The following ALKBH3 variants were observed in gnomAD, a reference collection of about 807,000 sequenced individuals.
ALKBH3 encodes alpha-ketoglutarate-dependent dioxygenase alkB homolog 3.
A neutral mutation model predicts 43.9 loss-of-function variants in ALKBH3; 51 were observed. The ratio of observed to expected loss-of-function variants is 1.16; its 90% confidence interval spans 0.93 to 1.47. ALKBH3 has a LOEUF of 1.47. ALKBH3 is among the 40% of genes most tolerant of loss of function. The pLI is 0.00. For missense variants in ALKBH3, 361 were observed against 351.9 expected (o/e 1.03, Z -0.21); for synonymous variants, 102 against 115.2 (o/e 0.89, Z 0.73).
At chr11:43,898,747 G>T (rs1233371359) in intron 7 of ALKBH3, 6 of 729,520 alleles carry the variant, frequency 8.2e-6, no homozygotes, top group Non-Finnish European at 1.5e-5. Flanking sequence ...GTCACCCAGG[G>T]TATTTCCTGT....
At chr11:43,886,151 G>A (rs1224414350) in intron 4 of ALKBH3, among the ~76,000 whole-genome samples, 1 of 152,136 alleles carries the variant, frequency 6.6e-6, no homozygotes, top group Non-Finnish European at 1.5e-5. Flanking sequence ...GTTTTGGGGT[G>A]CCATTGAAGG....
chr11:43,901,922 A>G (rs923672930), intron 8 of ALKBH3, among the ~76,000 whole-genome samples, 197 bp downstream of exon 8: 4 of 152,212 alleles, frequency 2.6e-5, no homozygotes, highest in Admixed American at 6.5e-5. Context: ...AAGTCCAACA[A>G]GAATTGGCTG....
chr11:43,919,480 G>T, intron 9 of ALKBH3: 1 of 302,008 alleles, frequency 3.3e-6, no homozygotes, highest in Admixed American at 4.8e-5. Context: ...ATAGCTTCAG[G>T]GTAGCTAGTG....
intron 8 of ALKBH3, among the ~76,000 whole-genome samples, chr11:43,905,867 C>A (rs1019509797): frequency 9.2e-5 from 14 of 152,074 alleles, no homozygotes; most frequent in African/African-American, 2.7e-4. Flanking sequence ...CTGAAAAAAA[C>A]AAGCTGGAAA....
chr11:43,905,033 CT>C (rs376996701), intron 8 of ALKBH3, among the ~76,000 whole-genome samples: 2 of 152,124 alleles, frequency 1.3e-5, no homozygotes, highest in Admixed American at 6.5e-5. Flanking sequence ...GCCTATTTGA[CT>C]TGAGTCACAG....
chr11:43,907,660 C>T (rs1207931968), intron 8 of ALKBH3, among the ~76,000 whole-genome samples: 2 of 152,070 alleles, frequency 1.3e-5, no homozygotes, highest in African/African-American at 4.8e-5. Context: ...ATGGCTGTCT[C>T]ACCGAGGCAG....
At chr11:43,886,695 G>A in intron 5 of ALKBH3, 42 bp downstream of exon 5, 2 of 1,585,238 alleles carry the variant, frequency 1.3e-6, no homozygotes, top group Non-Finnish European at 1.7e-6. Flanking sequence ...TTATCACTGA[G>A]TTATAGTCTC....
At chr11:43,914,304 T>A (rs1951965194) in intron 8 of ALKBH3, among the ~76,000 whole-genome samples, 1 of 152,180 alleles carries the variant, frequency 6.6e-6, no homozygotes, top group African/African-American at 2.4e-5. Context: ...TTGCTTATGA[T>A]AAAATGGATA....
chr11:43,896,289 ACACACACACACG>A (rs1000576453), intron 7 of ALKBH3, among the ~76,000 whole-genome samples: 6 of 135,916 alleles, frequency 4.4e-5, no homozygotes, highest in South Asian at 5.4e-4. Context: ...ACACACACAC[ACACACACACACG>A]TATATATATA....
At chr11:43,895,606 A>C (rs965743012) in intron 7 of ALKBH3, among the ~76,000 whole-genome samples, 2 of 152,232 alleles carry the variant, frequency 1.3e-5, no homozygotes, top group African/African-American at 2.4e-5. Context: ...CAGTTCTTAG[A>C]GTATAATCTG....
At chr11:43,906,786 A>G (rs1468421196) in intron 8 of ALKBH3, among the ~76,000 whole-genome samples, 1 of 152,208 alleles carries the variant, frequency 6.6e-6, no homozygotes, top group Non-Finnish European at 1.5e-5. Flanking sequence ...ACACTTTCTA[A>G]TGAAATTTTA....
Position 43,912,588 on chromosome 11 carries a change from A to G in ALKBH3, c.670-6450A>G, listed in dbSNP as rs565246675. The G allele has an allele frequency of 1.4e-4, 21 of 152,158 alleles. 1 individual carries two copies. Among genetic ancestry groups the G allele is most frequent in the African/African-American group, 3.9e-4 (16 of 41,508 alleles). 9.4% of individuals were successfully genotyped at this position (152,158 alleles called of 1,614,324 possible). ...TTAGTACAGAGATGGAGGTTTTTCT[A>G]TTTTGCTCATCTAAGGAATCAGAGA... is the stretch of plus-strand genomic sequence containing the variant. On this transcript the variant is annotated intron_variant, in intron 8 of 9. Transcript: ENST00000302708.
At chr11:43,884,939 A>G (rs754682990) in intron 4 of ALKBH3, among the ~76,000 whole-genome samples, 6 of 151,284 alleles carry the variant, frequency 4.0e-5, no homozygotes, top group Non-Finnish European at 8.8e-5. Context: ...AATTTTTTGT[A>G]GAGATGGGAT....
At chr11:43,897,743 G>T (rs1951829594) in intron 7 of ALKBH3, 1 of 798,500 alleles carries the variant, frequency 1.3e-6, no homozygotes. Flanking sequence ...TGCACATTGA[G>T]GGTCATAATG....
Position 43,920,208 on chromosome 11 carries a change from C to G in ALKBH3, c.*198C>G. 1 of 548,256 alleles carries G rather than the reference C, an allele frequency of 1.8e-6. No individual in the cohort carries two copies. The highest frequency in any genetic ancestry group is 3.0e-5 in the East Asian group (1 of 33,424). 34.0% of individuals were successfully genotyped at this position (548,256 alleles called of 1,614,324 possible). A position where few individuals can be genotyped will look rare whatever the true frequency, so the allele number is the denominator to read the frequency against. On this transcript the variant is annotated 3_prime_UTR_variant, in exon 10 of 10. Coordinates refer to ENST00000302708, the MANE Select transcript of ALKBH3 (RefSeq NM_139178.4). ...TAGGTCTACTGTGGGAACAGTTATC[C>G]CTAACCACAGCTCAAAATCGCTATC...
intron 8 of ALKBH3, among the ~76,000 whole-genome samples, chr11:43,917,960 T>TC (rs1951996988): frequency 6.6e-6 from 1 of 152,230 alleles, no homozygotes; most frequent in South Asian, 2.1e-4. Context: ...ATTTTGATTT[T>TC]CCTAGGGAAA....
At chr11:43,891,241 T>C (rs1518819) in intron 6 of ALKBH3, among the ~76,000 whole-genome samples, 7,533 of 152,274 alleles carry the variant, frequency 0.049, 448 homozygotes, top group Admixed American at 0.2. Context: ...ATGGCTTTGA[T>C]TGTTGGCTCT....
In ALKBH3 at chr11:43,917,132, C is replaced by T. The variant is rs191217472; in HGVS notation, c.670-1906C>T. Among the ~76,000 whole-genome samples, 173 of 152,302 alleles carry T rather than the reference C, an allele frequency of 1.1e-3. 1 individual carries two copies. Among genetic ancestry groups the T allele is most frequent in the South Asian group, 2.3e-3 (11 of 4,818 alleles). On this transcript the variant is annotated intron_variant, in intron 8 of 9. Coordinates refer to ENST00000302708, the MANE Select transcript of ALKBH3 (RefSeq NM_139178.4). ...TATGTTGAATGTAATGTGTTCAAAACCAACCTGAGACTTTCTCTCATTTGA... is the reference window on the plus strand; with the variant it reads ...TATGTTGAATGTAATGTGTTCAAAATCAACCTGAGACTTTCTCTCATTTGA...
chr11:43,904,737 T>G lies in ALKBH3; in HGVS notation c.669+3012T>G, dbSNP rs142161968. ...CAAAGGATTGAAAGGAAGCGATTAT[T>G]GCACATTTTTGTCTACTTTTCTTTA... On this transcript the variant is annotated intron_variant, in intron 8 of 9. Coordinates refer to ENST00000302708, the MANE Select transcript of ALKBH3 (RefSeq NM_139178.4). 3.3e-5 allele frequency among the ~76,000 whole-genome samples: 5 copies of G among 152,346 alleles called. No homozygotes were observed. In the East Asian group the frequency reaches 9.6e-4, roughly 29 times the overall value.
Sources: gnomAD v4.1 joint callset for allele counts (sites outside exome capture counted in the v4.1 genomes callset) on GRCh38, gnomAD v4.1.1 for gene constraint, MANE v1.5 for transcripts, NCBI Gene and HGNC (gene_info 2026-07-23, HGNC 2026-07-21) for gene names.